The following CFAP91 variants were observed in gnomAD, a reference collection of about 807,000 sequenced individuals.
CFAP91 encodes the protein cilia and flagella associated protein 91, also known as cilia- and flagella-associated protein 91.
A neutral mutation model predicts 95.9 loss-of-function variants in CFAP91; 85 were observed. That is an observed-to-expected ratio of 0.89 (90% CI 0.74 to 1.06). The LOEUF is 1.06. Ranked by LOEUF, CFAP91 falls within the 50% of genes least tolerant of loss-of-function variation. CFAP91 has a pLI of 0.00. For synonymous variants in CFAP91, 335 were observed against 327.5 expected, an observed-to-expected ratio of 1.02 and a Z score of -0.25; for missense variants, 962 against 943.4, an observed-to-expected ratio of 1.02 and a Z score of -0.26.
chr3:119,749,868 A>T (rs2054295171), intron 16 of CFAP91, among the ~76,000 whole-genome samples: 1 of 152,228 alleles, frequency 6.6e-6, no homozygotes, highest in Admixed American at 6.5e-5. Context: ...CTGTATATAG[A>T]TATAAAGTAA....
chr3:119,742,175 G>A (rs1054689107), intron 13 of CFAP91, among the ~76,000 whole-genome samples: 4 of 152,130 alleles, frequency 2.6e-5, no homozygotes, highest in Non-Finnish European at 5.9e-5. Flanking sequence ...GAGTGAAATC[G>A]TGTCCGCCTA....
chr3:119,747,541 G>A, intron 15 of CFAP91: 1 of 558,162 alleles, frequency 1.8e-6, no homozygotes. Context: ...ACATTACTGG[G>A]ACTTCATCCC....
chr3:119,744,193 G>C lies in CFAP91; in HGVS notation c.1899G>C (p.Lys633Asn). The C allele has an allele frequency of 6.2e-7, 1 of 1,609,948 alleles. No individual in the cohort carries two copies. The highest frequency in any genetic ancestry group is 8.5e-7 in the Non-Finnish European group (1 of 1,177,276). Residue 633 changes from lysine (K) to asparagine (N), a missense_variant, in exon 14 of 18, where the codon AAG becomes AAC. Transcript: ENST00000273390. ...TGCGGGAGGAGGACGAGATATTTAA[G>C]GAGGCAAGTAGGGGCAGCTGGGTGT... ...QRLREEDEIF[K>N]EVVKVHHSTI...
At chr3:119,703,972 A>G (rs560507096) in intron 1 of CFAP91, among the ~76,000 whole-genome samples, 51 of 152,308 alleles carry the variant, frequency 3.3e-4, no homozygotes, top group African/African-American at 1.2e-3. Context: ...CTGCAATCCC[A>G]GGTTTTTCAC....
intron 6 of CFAP91, 57 bp from the exon 7 acceptor site, chr3:119,726,114 C>A: frequency 6.9e-7 from 1 of 1,455,258 alleles, no homozygotes; most frequent in Non-Finnish European, 9.3e-7. Flanking sequence ...TAATTATATA[C>A]TGGGGGGTGC....
intron 1 of CFAP91, chr3:119,705,995 C>A (rs2107850734): frequency 6.6e-6 from 1 of 152,304 alleles, no homozygotes; most frequent in South Asian, 2.1e-4. Flanking sequence ...AATCACAATT[C>A]CCAAATTATT....
intron 2 of CFAP91, 38 bp from the exon 3 acceptor site, chr3:119,707,366 G>A (rs1489036822): frequency 5.6e-6 from 8 of 1,432,292 alleles, no homozygotes; most frequent in African/African-American, 1.4e-5. Context: ...AAAGCTGATG[G>A]TATAATTTTG....
chr3:119,703,674 T>G (rs762045550), intron 1 of CFAP91, among the ~76,000 whole-genome samples: 1 of 152,234 alleles, frequency 6.6e-6, no homozygotes, highest in Non-Finnish European at 1.5e-5. Context: ...TTGTTTGTTT[T>G]TTTTAACTTC....
At chr3:119,742,268 C>G (rs892203047) in intron 13 of CFAP91, among the ~76,000 whole-genome samples, 3 of 152,106 alleles carry the variant, frequency 2.0e-5, no homozygotes, top group African/African-American at 7.2e-5. Flanking sequence ...TTGGATACAC[C>G]CTGGATATAT....
chr3:119,745,794 G>A (rs2054209885), intron 14 of CFAP91, among the ~76,000 whole-genome samples: 1 of 152,178 alleles, frequency 6.6e-6, no homozygotes, highest in Non-Finnish European at 1.5e-5. Context: ...GGTTGATACT[G>A]TATTAAACTG....
At chr3:119,758,059 G>T (rs1366748932) in intron 17 of CFAP91, among the ~76,000 whole-genome samples, 1 of 151,986 alleles carries the variant, frequency 6.6e-6, no homozygotes, top group Non-Finnish European at 1.5e-5. Context: ...TTGTTTGTTT[G>T]GTTGGTTGGT....
At position 119,740,655 on chromosome 3, in the gene CFAP91, C is replaced by A. The variant is rs780939172; in HGVS notation, c.1640C>A (p.Thr547Asn). ...KLVKKAEKQVTLALQRQRNLH... is the reference protein window; with the variant it reads ...KLVKKAEKQVNLALQRQRNLH... ...GTGAAAAAAGCCGAGAAGCAAGTGA[C>A]CCTGGCCTTACAGCGGCAGAGGAAC... is the stretch of plus-strand genomic sequence containing the variant. Residue 547 changes from threonine (T) to asparagine (N), a missense_variant, in exon 13 of 18, where the codon ACC (threonine) becomes AAC (asparagine). Transcript: ENST00000273390. The A allele has an allele frequency of 1.9e-6, 3 of 1,614,184 alleles. No homozygotes were observed. Among genetic ancestry groups the A allele is most frequent in the Non-Finnish European group, 1.7e-6 (2 of 1,180,036 alleles).
chr3:119,741,899 A>T (rs987761334), intron 13 of CFAP91, among the ~76,000 whole-genome samples: 1 of 152,124 alleles, frequency 6.6e-6, no homozygotes, highest in Non-Finnish European at 1.5e-5. Context: ...AATGGGGAGG[A>T]AGCAAGCCAC....
At chr3:119,725,199 G>T (rs2053758994) in intron 6 of CFAP91, among the ~76,000 whole-genome samples, 1 of 152,176 alleles carries the variant, frequency 6.6e-6, no homozygotes, top group Non-Finnish European at 1.5e-5. Context: ...ACATTTAGAG[G>T]TGCTAGGCAC....
chr3:119,754,614 C>A (rs2054390058), intron 17 of CFAP91, among the ~76,000 whole-genome samples: 1 of 152,184 alleles, frequency 6.6e-6, no homozygotes, highest in Non-Finnish European at 1.5e-5. Context: ...TATTCAGCTG[C>A]AAACATGCAC....
intron 17 of CFAP91, among the ~76,000 whole-genome samples, chr3:119,763,730 C>G (rs1165718789): frequency 6.6e-6 from 1 of 151,998 alleles, no homozygotes; most frequent in African/African-American, 2.4e-5. Flanking sequence ...ATGCCATGAA[C>G]CAGGTGTAAT....
At chr3:119,718,977 A>G (rs906452047) in intron 6 of CFAP91, among the ~76,000 whole-genome samples, 2 of 152,244 alleles carry the variant, frequency 1.3e-5, no homozygotes, top group Middle Eastern at 3.4e-3. Context: ...CAAAAGACAT[A>G]TACAAGAAAA....
intron 17 of CFAP91, among the ~76,000 whole-genome samples, chr3:119,761,314 A>G (rs2054533976): frequency 6.6e-6 from 1 of 151,866 alleles, no homozygotes. Flanking sequence ...CCATGAAGAA[A>G]ATAGAAAATC....
At chr3:119,755,049 C>T (rs2054400228) in intron 17 of CFAP91, among the ~76,000 whole-genome samples, 1 of 152,166 alleles carries the variant, frequency 6.6e-6, no homozygotes, top group South Asian at 2.1e-4. Context: ...CCTCTCCCAC[C>T]ATAGCATTTT....
Sources: gnomAD v4.1 joint callset for allele counts (sites outside exome capture counted in the v4.1 genomes callset) on GRCh38, gnomAD v4.1.1 for gene constraint, MANE v1.5 for transcripts, NCBI Gene and HGNC (gene_info 2026-07-23, HGNC 2026-07-21) for gene names.